TBC1D22A: variants seen among roughly 807,000 people sequenced by gnomAD.
TBC1D22A encodes the protein TBC1 domain family member 22A.
Under a neutral mutation model 60.2 loss-of-function variants are expected in TBC1D22A, and 38 were observed. That is an observed-to-expected ratio of 0.63 (90% CI 0.49 to 0.83). The LOEUF is 0.83. Ranked by LOEUF, TBC1D22A falls within the 40% of genes least tolerant of loss-of-function variation. TBC1D22A has a pLI of 0.00. For missense variants in TBC1D22A, 628 were observed against 701.0 expected, an observed-to-expected ratio of 0.90 and a Z score of 1.18; for synonymous variants, 302 against 281.7, an observed-to-expected ratio of 1.07 and a Z score of -0.72.
chr22:46,785,225 A>C (rs759452167), intron 1 of TBC1D22A, among the ~76,000 whole-genome samples: 2 of 152,166 alleles, frequency 1.3e-5, no homozygotes, highest in Non-Finnish European at 2.9e-5. Flanking sequence ...GAATTATAAG[A>C]GGGCTGATTC....
chr22:47,063,604 C>G lies in TBC1D22A; in HGVS notation c.1329+26406C>G, dbSNP rs561462306. On this transcript the variant is annotated intron_variant, in intron 11 of 12. Coordinates refer to ENST00000337137, the MANE Select transcript of TBC1D22A (RefSeq NM_014346.5). ...AGCCTGGGTGCCCCTCCAGTCACAC[C>G]TGAGGAGGTGAAGAATGTCAGGACT... Among the ~76,000 whole-genome samples, 71 of 152,200 alleles carry G rather than the reference C, an allele frequency of 4.7e-4. 1 individual carries two copies. The highest frequency in any genetic ancestry group is 1.7e-3 in the African/African-American group (70 of 41,532).
intron 8 of TBC1D22A, chr22:46,914,665 G>T (rs2070222503): frequency 6.6e-6 from 1 of 152,342 alleles, no homozygotes; most frequent in African/African-American, 2.4e-5. Flanking sequence ...ACCTGCCCTG[G>T]TGCTGGGTGT....
chr22:47,076,380 TACACACACACACACACAC>T (rs1183466938), intron 11 of TBC1D22A, among the ~76,000 whole-genome samples: 23 of 124,426 alleles, frequency 1.8e-4, no homozygotes, highest in East Asian at 1.8e-3. Context: ...TATATATATA[TACACACACACACACACAC>T]ACACACACAC....
At chr22:46,786,036 G>T (rs979861649) in intron 1 of TBC1D22A, among the ~76,000 whole-genome samples, 3 of 152,140 alleles carry the variant, frequency 2.0e-5, no homozygotes, top group Admixed American at 6.5e-5. Flanking sequence ...CCCCACCTTG[G>T]CCTCCCAAAG....
At chr22:46,778,636 T>C (rs941577956) in intron 1 of TBC1D22A, among the ~76,000 whole-genome samples, 4 of 152,200 alleles carry the variant, frequency 2.6e-5, no homozygotes, top group African/African-American at 7.2e-5. Context: ...AACATTGCCT[T>C]CTTCTGGAAT....
chr22:46,818,953 C>T (rs376121797), intron 4 of TBC1D22A, among the ~76,000 whole-genome samples: 2 of 152,110 alleles, frequency 1.3e-5, no homozygotes, highest in Non-Finnish European at 2.9e-5. Flanking sequence ...CTTCACATCC[C>T]TTGTTAGCTG....
intron 12 of TBC1D22A, among the ~76,000 whole-genome samples, chr22:47,170,016 C>T (rs901315606): frequency 6.6e-6 from 1 of 152,226 alleles, no homozygotes; most frequent in African/African-American, 2.4e-5. Flanking sequence ...TGATGCAGAA[C>T]AGCTCTTGGC....
intron 5 of TBC1D22A, among the ~76,000 whole-genome samples, chr22:46,879,688 T>C (rs1345943898): frequency 2.0e-5 from 3 of 152,248 alleles, no homozygotes; most frequent in East Asian, 3.8e-4. Context: ...TTCCAGTTTA[T>C]ATCCAGTTTT....
At chr22:47,167,053 T>G (rs2068235783) in intron 12 of TBC1D22A, among the ~76,000 whole-genome samples, 1 of 152,262 alleles carries the variant, frequency 6.6e-6, no homozygotes, top group Admixed American at 6.5e-5. Context: ...ATACAGCTAA[T>G]GCATGTTTAT....
chr22:46,954,554 C>A (rs1452094110), intron 8 of TBC1D22A, among the ~76,000 whole-genome samples: 1 of 152,174 alleles, frequency 6.6e-6, no homozygotes, highest in Non-Finnish European at 1.5e-5. Flanking sequence ...CAAAGCACAG[C>A]CCTCATGACG....
intron 11 of TBC1D22A, among the ~76,000 whole-genome samples, chr22:47,072,474 G>C (rs1195963643): frequency 6.6e-6 from 1 of 152,254 alleles, no homozygotes; most frequent in East Asian, 1.9e-4. Flanking sequence ...CCCATCCGTG[G>C]AGTGGCCTTC....
chr22:46,797,679 A>G, intron 4 of TBC1D22A, 59 bp downstream of exon 4: 1 of 1,497,510 alleles, frequency 6.7e-7, no homozygotes, highest in East Asian at 2.5e-5. Flanking sequence ...TCTGAAATAG[A>G]TCACATCTTA....
At chr22:47,014,620 C>T (rs142170456) in intron 10 of TBC1D22A, among the ~76,000 whole-genome samples, 4 of 152,360 alleles carry the variant, frequency 2.6e-5, no homozygotes, top group Non-Finnish European at 5.9e-5. Flanking sequence ...TTGTTAGGTC[C>T]GAACTAACAG....
intron 9 of TBC1D22A, among the ~76,000 whole-genome samples, chr22:46,989,470 C>T (rs1222513211): frequency 6.6e-6 from 1 of 152,072 alleles, no homozygotes; most frequent in Non-Finnish European, 1.5e-5. Flanking sequence ...TTTATTTGAA[C>T]ACTTGACTTA....
At chr22:47,141,878 A>G in intron 12 of TBC1D22A, among the ~76,000 whole-genome samples, 1 of 152,232 alleles carries the variant, frequency 6.6e-6, no homozygotes, top group East Asian at 1.9e-4. Context: ...TAGCTGGATA[A>G]TATTCTGAGT....
chr22:46,813,394 T>G (rs2085464597), intron 4 of TBC1D22A, among the ~76,000 whole-genome samples: 1 of 152,224 alleles, frequency 6.6e-6, no homozygotes, highest in South Asian at 2.1e-4. Context: ...TCAGTGAGAT[T>G]TTAAATTTGC....
chr22:47,098,560 C>G (rs1039703828), intron 11 of TBC1D22A, among the ~76,000 whole-genome samples: 1 of 152,130 alleles, frequency 6.6e-6, no homozygotes, highest in Non-Finnish European at 1.5e-5. Flanking sequence ...AAGGCATCCC[C>G]CCGACTCCAT....
chr22:46,895,415 C>T (rs972120261), intron 7 of TBC1D22A, among the ~76,000 whole-genome samples: 2 of 152,140 alleles, frequency 1.3e-5, no homozygotes, highest in Non-Finnish European at 2.9e-5. Context: ...GCTCTGTCGC[C>T]CAGGCTGGAG....
At chr22:47,088,521 C>T (rs772212976) in intron 11 of TBC1D22A, among the ~76,000 whole-genome samples, 9 of 152,158 alleles carry the variant, frequency 5.9e-5, no homozygotes, top group African/African-American at 1.9e-4. Context: ...CTAGTTCACC[C>T]GTGAAGGTTG....
Sources: gnomAD v4.1 joint callset for allele counts (sites outside exome capture counted in the v4.1 genomes callset) on GRCh38, gnomAD v4.1.1 for gene constraint, MANE v1.5 for transcripts, NCBI Gene and HGNC (gene_info 2026-07-23, HGNC 2026-07-21) for gene names.